FBXL7: variants seen among roughly 807,000 people sequenced by gnomAD.
FBXL7 encodes the protein F-box/LRR-repeat protein 7.
Under a neutral mutation model 38.3 loss-of-function variants are expected in FBXL7, and 12 were observed. The ratio of observed to expected loss-of-function variants is 0.31; its 90% CI spans 0.20 to 0.51. The LOEUF (loss-of-function observed/expected upper bound fraction) is 0.51, where lower values mean the gene tolerates loss of function less well. Ranked by LOEUF, FBXL7 falls within the 20% of genes least tolerant of loss-of-function variation. FBXL7 has a pLI of 0.98. For synonymous variants in FBXL7, 297 were observed against 300.9 expected (o/e 0.99, Z 0.13); for missense variants, 567 against 676.4 (o/e 0.84, Z 1.79).
At chr5:15,691,756 T>C (rs560280630) in intron 2 of FBXL7, among the ~76,000 whole-genome samples, 108 of 152,338 alleles carry the variant, frequency 7.1e-4, no homozygotes, top group Admixed American at 5.8e-3. Flanking sequence ...TAATTCTCTT[T>C]AGCCTGACTC....
intron 2 of FBXL7, among the ~76,000 whole-genome samples, chr5:15,719,532 A>G (rs1744137289): frequency 1.3e-5 from 2 of 148,952 alleles, no homozygotes; most frequent in African/African-American, 2.5e-5. Context: ...TGACACTACA[A>G]TATATGAAGG....
chr5:15,767,259 TA>T (rs200325493), intron 2 of FBXL7, among the ~76,000 whole-genome samples: 19,896 of 146,306 alleles, frequency 0.14, 1,366 homozygotes, highest in South Asian at 0.17. Flanking sequence ...GAATATGTGA[TA>T]AAAAAAAAAA....
intron 1 of FBXL7, among the ~76,000 whole-genome samples, chr5:15,518,761 G>A (rs1402147235): frequency 1.3e-5 from 2 of 152,066 alleles, no homozygotes; most frequent in Non-Finnish European, 2.9e-5. Context: ...CAGGCCCTTC[G>A]TCTCTCCTTG....
intron 2 of FBXL7, among the ~76,000 whole-genome samples, chr5:15,642,706 A>G (rs1402655453): frequency 6.6e-6 from 1 of 152,172 alleles, no homozygotes. Context: ...TAGATAGGAG[A>G]CAGACCTAGA....
At chr5:15,802,797 G>A (rs951800774) in intron 2 of FBXL7, among the ~76,000 whole-genome samples, 2 of 151,998 alleles carry the variant, frequency 1.3e-5, no homozygotes, top group Admixed American at 1.3e-4. Context: ...GGGATTACAG[G>A]CGTGCACCAC....
chr5:15,728,376 A>C (rs1374988739), intron 2 of FBXL7, among the ~76,000 whole-genome samples: 1 of 152,158 alleles, frequency 6.6e-6, no homozygotes, highest in African/African-American at 2.4e-5. Context: ...GGATAAATTG[A>C]GAGGCATAGG....
At chr5:15,563,655 G>T (rs1580373113) in intron 1 of FBXL7, among the ~76,000 whole-genome samples, 1 of 151,996 alleles carries the variant, frequency 6.6e-6, no homozygotes, top group African/African-American at 2.4e-5. Flanking sequence ...GCTCTTTCCA[G>T]CTTCCTCTAT....
chr5:15,887,925 C>G (rs1023969356), intron 2 of FBXL7, among the ~76,000 whole-genome samples: 2 of 152,220 alleles, frequency 1.3e-5, no homozygotes, highest in Non-Finnish European at 2.9e-5. Flanking sequence ...TTCTCTCTCT[C>G]AGCATAGAGA....
rs1469327763 is a variant in FBXL7 at position 15,500,681 on chromosome 5, G to A, written c.5G>A (p.Gly2Asp). Residue 2 changes from glycine (G) to aspartate (D), a missense_variant, in exon 1 of 4, where the codon GGC (glycine) becomes GAC (aspartate). Gly to Asp is a moderately conservative substitution (Grantham distance 94, BLOSUM62 -1). Coordinates refer to ENST00000504595, the MANE Select transcript of FBXL7 (RefSeq NM_012304.5). ...GGCGGGCATGACGGCTACAGGATGGGCGCGAACAATGGCAAACAGTACGGC... is the reference window on the plus strand; with the variant it reads ...GGCGGGCATGACGGCTACAGGATGGACGCGAACAATGGCAAACAGTACGGC... The part of the protein sequence containing the change: M[G>D]ANNGKQYGSE... 1.2e-6 allele frequency: 2 copies of A among 1,612,210 alleles called. No individual in the cohort carries two copies. The highest frequency in any genetic ancestry group is 1.1e-5 in the South Asian group (1 of 90,998).
chr5:15,509,828 G>T (rs1438302171), intron 1 of FBXL7, among the ~76,000 whole-genome samples: 1 of 152,334 alleles, frequency 6.6e-6, no homozygotes, highest in Non-Finnish European at 1.5e-5. Flanking sequence ...TGGCCTGCCT[G>T]GGTGCTTCCC....
At chr5:15,575,027 T>C (rs1738911107) in intron 1 of FBXL7, among the ~76,000 whole-genome samples, 2 of 152,098 alleles carry the variant, frequency 1.3e-5, no homozygotes, top group Non-Finnish European at 2.9e-5. Context: ...GTTTTCACAA[T>C]TGTGGGAGAA....
At chr5:15,663,770 C>T (rs527540327) in intron 2 of FBXL7, among the ~76,000 whole-genome samples, 1 of 152,150 alleles carries the variant, frequency 6.6e-6, no homozygotes, top group South Asian at 2.1e-4. Flanking sequence ...AGAATATTTG[C>T]CTGCTCCTTT....
chr5:15,676,545 G>A (rs968094085), intron 2 of FBXL7, among the ~76,000 whole-genome samples: 1 of 152,118 alleles, frequency 6.6e-6, no homozygotes, highest in Non-Finnish European at 1.5e-5. Context: ...GTTCTTAGTG[G>A]CTATCTCAGA....
At chr5:15,656,790 T>C (rs1741896634) in intron 2 of FBXL7, among the ~76,000 whole-genome samples, 1 of 151,886 alleles carries the variant, frequency 6.6e-6, no homozygotes, top group Non-Finnish European at 1.5e-5. Flanking sequence ...AGCTAATGAA[T>C]GAGAATTTTA....
intron 2 of FBXL7, among the ~76,000 whole-genome samples, chr5:15,880,966 G>A (rs1020013680): frequency 1.3e-5 from 2 of 151,824 alleles, no homozygotes; most frequent in African/African-American, 4.8e-5. Flanking sequence ...AGAAAACTGA[G>A]ACACAGAAAG....
intron 2 of FBXL7, among the ~76,000 whole-genome samples, chr5:15,818,991 A>G (rs546226848): frequency 4.9e-4 from 74 of 152,296 alleles, no homozygotes; most frequent in African/African-American, 1.7e-3. Context: ...GTTAATGTCC[A>G]TATAAAGTAT....
At chr5:15,887,844 G>C (rs1277939374) in intron 2 of FBXL7, among the ~76,000 whole-genome samples, 1 of 152,178 alleles carries the variant, frequency 6.6e-6, no homozygotes, top group Non-Finnish European at 1.5e-5. Flanking sequence ...TTCCAGTAGA[G>C]TGGGGAGGAA....
At chr5:15,650,648 C>T (rs1291973465) in intron 2 of FBXL7, among the ~76,000 whole-genome samples, 1 of 152,210 alleles carries the variant, frequency 6.6e-6, no homozygotes, top group African/African-American at 2.4e-5. Flanking sequence ...CCCTGCCATG[C>T]TTTATCAACT....
At chr5:15,769,321 T>C (rs1736670378) in intron 2 of FBXL7, among the ~76,000 whole-genome samples, 1 of 152,222 alleles carries the variant, frequency 6.6e-6, no homozygotes, top group African/African-American at 2.4e-5. Flanking sequence ...ACATTCAAAA[T>C]TGACCCTCTA....
Sources: allele counts gnomAD v4.1 joint callset (sites outside exome capture counted in the v4.1 genomes callset), GRCh38; gene constraint gnomAD v4.1.1; transcripts MANE v1.5; gene names NCBI Gene and HGNC (gene_info 2026-07-23, HGNC 2026-07-21).